The following TIMMDC1 variants were observed in gnomAD, a reference collection of about 807,000 sequenced individuals.
The protein encoded by TIMMDC1 is complex I assembly factor TIMMDC1, mitochondrial.
In TIMMDC1, 25 loss-of-function variants were observed where a neutral mutation model predicts 32.6. That is an observed-to-expected ratio of 0.77 (90% confidence interval 0.56 to 1.07). The LOEUF (loss-of-function observed/expected upper bound fraction) is 1.07, where lower values mean the gene tolerates loss of function less well. Ranked by LOEUF, TIMMDC1 falls within the 50% of genes least tolerant of loss-of-function variation. The pLI is 0.00. For missense variants in TIMMDC1, 329 were observed against 349.2 expected (o/e 0.94, Z 0.46); for synonymous variants, 130 against 127.6 (o/e 1.02, Z -0.13).
intron 4 of TIMMDC1, among the ~76,000 whole-genome samples, chr3:119,513,248 G>C (rs1289201628): frequency 1.3e-5 from 2 of 152,204 alleles, no homozygotes; most frequent in East Asian, 3.8e-4. Flanking sequence ...GCAGTACAGA[G>C]AGAGTGAGTC....
At chr3:119,507,406 A>T (rs2081925042) in intron 4 of TIMMDC1, among the ~76,000 whole-genome samples, 1 of 151,954 alleles carries the variant, frequency 6.6e-6, no homozygotes, top group African/African-American at 2.4e-5. Flanking sequence ...AAGCTCAGGG[A>T]TTCTTTCCTC....
intron 1 of TIMMDC1, 165 bp downstream of exon 1, chr3:119,499,092 CTTT>C (rs11317621): frequency 0.026 from 10,128 of 396,438 alleles, no homozygotes; most frequent in South Asian, 0.029. Flanking sequence ...TTTTTTCTTT[CTTT>C]TTTTTTTTTT....
At chr3:119,513,366 G>A (rs567902243) in intron 4 of TIMMDC1, among the ~76,000 whole-genome samples, 4 of 152,318 alleles carry the variant, frequency 2.6e-5, no homozygotes, top group Admixed American at 2.0e-4. Flanking sequence ...AGATTTTTAA[G>A]GAGAGATGGG....
At chr3:119,505,530 T>A (rs1344116560) in intron 4 of TIMMDC1, among the ~76,000 whole-genome samples, 1 of 152,152 alleles carries the variant, frequency 6.6e-6, no homozygotes. Context: ...CATTCCCAGC[T>A]AATTTTTTGT....
intron 4 of TIMMDC1, among the ~76,000 whole-genome samples, chr3:119,508,759 T>G (rs1354553559): frequency 1.3e-5 from 2 of 152,234 alleles, no homozygotes; most frequent in African/African-American, 4.8e-5. Context: ...CTGGAAAGCC[T>G]TATTATATGT....
intron 4 of TIMMDC1, among the ~76,000 whole-genome samples, chr3:119,506,793 C>T (rs1355698324): frequency 6.6e-6 from 1 of 152,192 alleles, no homozygotes; most frequent in Non-Finnish European, 1.5e-5. Context: ...CTTGATCTGG[C>T]TTCCATGCGC....
Position 119,523,644 on chromosome 3 carries a change from A to C in TIMMDC1, c.746A>C (p.Lys249Thr), listed in dbSNP as rs2082045929. Reference protein sequence around the residue: ...RLQVTEHLPEKIESSLQEDEP... With the variant: ...RLQVTEHLPETIESSLQEDEP... ...CAAGTTACTGAGCACCTCCCTGAGA[A>C]AATTGAAAGTAGTTTACAGGAAGAT... Residue 249 changes from lysine to threonine, a missense_variant, in exon 7 of 7, where the codon AAA becomes ACA. Coordinates refer to ENST00000494664, the MANE Select transcript of TIMMDC1 (RefSeq NM_016589.4). The C allele has an allele frequency of 6.2e-7, 1 of 1,612,928 alleles. No homozygotes were observed. Among genetic ancestry groups the C allele is most frequent in the Non-Finnish European group, 8.5e-7 (1 of 1,179,524 alleles).
In TIMMDC1 at chr3:119,523,598, G is replaced by C. The variant is rs2082045426; in HGVS notation, c.708-8G>C. 3 of 1,588,932 alleles carry C rather than the reference G, an allele frequency of 1.9e-6. No individual in the cohort carries two copies. Among genetic ancestry groups the C allele is most frequent in the Non-Finnish European group, 2.6e-6 (3 of 1,170,656 alleles). ...AGTATTTGATTTATCCTTTTTATCT[G>C]ATTACAGGAAAGGCAGACTACAAGT... On this transcript the variant is annotated splice_region_variant and splice_polypyrimidine_tract_variant and intron_variant, in intron 6 of 6. Transcript: ENST00000494664.
At chr3:119,517,074 ATTCTCAAATG>A (rs1452149829) in intron 5 of TIMMDC1, 121 bp from the exon 6 acceptor site, 1 of 517,308 alleles carries the variant, frequency 1.9e-6, no homozygotes, top group African/African-American at 1.9e-5. Flanking sequence ...GGACACTTTA[ATTCTCAAATG>A]TTCCTGTACC....
rs781525096 is a variant in TIMMDC1 at position 119,515,865 on chromosome 3, A to G, written c.597-1340A>G. Reference sequence around the variant, plus strand: ...AGTTCTTCTGTTTTTATTAGTTGGTATTTGTCTGACTAGAAGAGTGCTACC... The same window carrying G: ...AGTTCTTCTGTTTTTATTAGTTGGTGTTTGTCTGACTAGAAGAGTGCTACC... On this transcript the variant is annotated intron_variant, in intron 5 of 6. Coordinates refer to ENST00000494664, the MANE Select transcript of TIMMDC1 (RefSeq NM_016589.4). Among the ~76,000 whole-genome samples the G allele has an allele frequency of 1.1e-4, 16 of 152,220 alleles. No individual in the cohort carries two copies. The highest frequency in any genetic ancestry group is 2.1e-4 in the Non-Finnish European group (14 of 67,988).
chr3:119,508,604 CA>C (rs2081933496), intron 4 of TIMMDC1, among the ~76,000 whole-genome samples: 2 of 152,218 alleles, frequency 1.3e-5, no homozygotes. Flanking sequence ...TGGTTGACAC[CA>C]GCAGGAAGTT....
chr3:119,505,944 C>T (rs1352724919), intron 4 of TIMMDC1, among the ~76,000 whole-genome samples: 1 of 151,970 alleles, frequency 6.6e-6, no homozygotes, highest in African/African-American at 2.4e-5. Flanking sequence ...GGTACATGTA[C>T]AGGATGTGTA....
intron 6 of TIMMDC1, among the ~76,000 whole-genome samples, chr3:119,520,915 G>A (rs954652774): frequency 6.6e-6 from 1 of 152,132 alleles, no homozygotes; most frequent in African/African-American, 2.4e-5. Flanking sequence ...TCCTAGGGAT[G>A]CAAGGATGGT....
Position 119,503,880 on chromosome 3 carries a change from T to G in TIMMDC1, c.450-74T>G. ...GGCTTTTCTAAATCTATTAAGTCAG[T>G]GAAAATAACACTCAAGAAGGTAAAT... On this transcript the variant is annotated intron_variant, in intron 3 of 6. Transcript: ENST00000494664. 5.3e-6 allele frequency: 7 copies of G among 1,321,680 alleles called. No individual in the cohort carries two copies. The South Asian group carries it at 7.4e-5, about 14-fold the overall frequency. The allele number at this position is 1,321,680 out of a possible 1,614,324, so 81.9% of individuals were successfully genotyped here.
Position 119,523,677 on chromosome 3 carries a change from A to G in TIMMDC1, c.779A>G (p.Glu260Gly). 1 of 1,613,734 alleles carries G rather than the reference A, an allele frequency of 6.2e-7. No individual in the cohort carries two copies. The highest frequency in any genetic ancestry group is 8.5e-7 in the Non-Finnish European group (1 of 1,179,798). Residue 260 changes from glutamate (E) to glycine (G), a missense_variant, in exon 7 of 7, where the codon GAG becomes GGG. Physicochemically the swap from Glu to Gly is moderately conservative, Grantham distance 98. Transcript: ENST00000494664. ...AGTAGTTTACAGGAAGATGAACCTG[A>G]GAATGATGCTAAGAAAATTGAAGCA... Reference protein sequence around the residue: ...IESSLQEDEPENDAKKIEALL... With the variant: ...IESSLQEDEPGNDAKKIEALL...
chr3:119,498,660 C>A lies in TIMMDC1; in HGVS notation c.-74C>A. The stretch of plus-strand genomic sequence containing the variant: ...CACGGATTCTCACCTCGTACAGTTA[C>A]GCTCTCCCGCGGCACGTCCGCGAGG... On this transcript the variant is annotated 5_prime_UTR_variant, in exon 1 of 7. Transcript: ENST00000494664. 6.8e-7 allele frequency: 1 copy of A among 1,464,646 alleles called. No homozygotes were observed. Among genetic ancestry groups the A allele is most frequent in the Non-Finnish European group, 9.4e-7 (1 of 1,059,252 alleles). The allele number at this position is 1,464,646 out of a possible 1,614,324, so 90.7% of individuals were successfully genotyped here. A position where few individuals can be genotyped will look rare whatever the true frequency, so the allele number is the denominator to read the frequency against.
At chr3:119,506,591 TATTA>T (rs972720233) in intron 4 of TIMMDC1, among the ~76,000 whole-genome samples, 2 of 152,170 alleles carry the variant, frequency 1.3e-5, no homozygotes, top group East Asian at 1.9e-4. Context: ...CTTCTTGTCC[TATTA>T]ATTATACTCA....
intron 4 of TIMMDC1, among the ~76,000 whole-genome samples, chr3:119,511,639 A>G (rs1269910787): frequency 6.6e-6 from 1 of 152,238 alleles, no homozygotes; most frequent in African/African-American, 2.4e-5. Flanking sequence ...TATCTATGTC[A>G]TAAATACTAT....
chr3:119,503,976 G>A lies in TIMMDC1; in HGVS notation c.472G>A (p.Val158Ile), dbSNP rs2081898838. The A allele has an allele frequency of 1.2e-6, 2 of 1,613,546 alleles. No homozygotes were observed. Among genetic ancestry groups the A allele is most frequent in the African/African-American group, 1.3e-5 (1 of 74,908 alleles). ...CAGCACAGTGAACACTAGTCTGAAT[G>A]TATACCGAAATAAAGATGCCTTAAG... ...IFNTVNTSLN[V>I]YRNKDALSHF... The change falls in exon 4 of 7, where the codon GTA becomes ATA. Residue 158 changes from valine (V) to isoleucine (I), a missense_variant. Coordinates refer to ENST00000494664, the MANE Select transcript of TIMMDC1 (RefSeq NM_016589.4).
Sources: allele counts gnomAD v4.1 joint callset (sites outside exome capture counted in the v4.1 genomes callset), GRCh38; gene constraint gnomAD v4.1.1; transcripts MANE v1.5; gene names NCBI Gene and HGNC (gene_info 2026-07-23, HGNC 2026-07-21).